THSD7A: variants seen among roughly 807,000 people sequenced by gnomAD.
THSD7A encodes the protein thrombospondin type 1 domain containing 7A, also known as thrombospondin type-1 domain-containing protein 7A.
THSD7A carries 96 observed loss-of-function variants against 231.3 expected under a neutral mutation model. That is an observed-to-expected ratio of 0.41 (90% CI 0.35 to 0.49). The LOEUF is 0.49. Among genes scored for constraint, THSD7A ranks in the 20% least tolerant of loss-of-function variants. The probability of loss-of-function intolerance (pLI) is 0.05; values close to 1 mark genes in which losing one functional copy is unlikely to be tolerated. For synonymous variants in THSD7A, 940 were observed against 743.3 expected (o/e 1.26, Z -4.30); for missense variants, 2,290 against 2,070.2 (o/e 1.11, Z -2.06).
chr7:11,461,060 T>C (rs901174070), intron 10 of THSD7A, among the ~76,000 whole-genome samples: 5 of 152,186 alleles, frequency 3.3e-5, no homozygotes, highest in African/African-American at 1.2e-4. Flanking sequence ...ATGCACCAGA[T>C]GGCCCCAGAA....
rs1781913999 is a variant in THSD7A, at chr7:11,637,502, G to C, written c.191-541C>G. On this transcript the variant is annotated intron_variant, in intron 1 of 27. Coordinates refer to ENST00000423059, the MANE Select transcript of THSD7A (RefSeq NM_015204.3). The surrounding 1 kb of genome is among the most constrained non-coding windows in gnomAD (Gnocchi z 4.2). ...GTTGTATATCATGTGTGCCACTAGA[G>C]CTTAAAGTGTTCACTCTCTGGTTAT... Among the ~76,000 whole-genome samples the C allele has an allele frequency of 6.6e-6, 1 of 152,128 alleles. No individual in the cohort carries two copies. The highest frequency in any genetic ancestry group is 2.4e-5 in the African/African-American group (1 of 41,414).
At position 11,583,320 on chromosome 7, in the gene THSD7A, AG is replaced by A. The variant is rs545536103; in HGVS notation, c.1453+7139del. Among the ~76,000 whole-genome samples, 14 of 152,192 alleles carry A rather than the reference AG, an allele frequency of 9.2e-5. No individual in the cohort carries two copies. The South Asian group carries it at 2.9e-3, about 32-fold the overall frequency. On this transcript the variant is annotated intron_variant, in intron 4 of 27. Coordinates refer to ENST00000423059, the MANE Select transcript of THSD7A (RefSeq NM_015204.3). ...GAGACAGGGTCTTTCTCTGCCACCG[AG>A]GCTGGAGTGCAGTGGCACAATCTTG...
At chr7:11,441,875 TA>T (rs1332508054) in intron 13 of THSD7A, among the ~76,000 whole-genome samples, 1 of 151,884 alleles carries the variant, frequency 6.6e-6, no homozygotes, top group East Asian at 1.9e-4. Flanking sequence ...GAGAAATACC[TA>T]ATGTAGACAA....
At chr7:11,552,137 A>C (rs756213255) in intron 4 of THSD7A, among the ~76,000 whole-genome samples, 2 of 152,076 alleles carry the variant, frequency 1.3e-5, no homozygotes, top group Non-Finnish European at 2.9e-5. Flanking sequence ...AGTAGGGAAA[A>C]ACAGACATCA....
intron 9 of THSD7A, among the ~76,000 whole-genome samples, chr7:11,467,408 G>C (rs115298730): frequency 1.3e-5 from 2 of 152,094 alleles, no homozygotes; most frequent in Non-Finnish European, 2.9e-5. Flanking sequence ...GCAATTAAAA[G>C]CTTCCTTGAT....
At chr7:11,502,769 A>G (rs968377232) in intron 6 of THSD7A, among the ~76,000 whole-genome samples, 1 of 152,052 alleles carries the variant, frequency 6.6e-6, no homozygotes, top group African/African-American at 2.4e-5. Flanking sequence ...AGATCTCTAA[A>G]ATAATTACAA....
At chr7:11,737,090 A>T (rs1002472516) in intron 1 of THSD7A, among the ~76,000 whole-genome samples, 4 of 152,066 alleles carry the variant, frequency 2.6e-5, no homozygotes, top group African/African-American at 7.2e-5. Context: ...CTGTGAGTCA[A>T]TTAAACTCCT....
chr7:11,516,898 C>A (rs951521974), intron 6 of THSD7A, among the ~76,000 whole-genome samples: 3 of 152,052 alleles, frequency 2.0e-5, no homozygotes, highest in Non-Finnish European at 2.9e-5. Context: ...ATATTGCCAT[C>A]GCCTACCAGA....
intron 1 of THSD7A, among the ~76,000 whole-genome samples, chr7:11,704,919 A>G (rs1780716130): frequency 1.3e-5 from 2 of 151,120 alleles, no homozygotes; most frequent in Non-Finnish European, 3.0e-5. Flanking sequence ...TAGGTCTCCA[A>G]AAATAAGTGT....
chr7:11,768,285 C>T (rs1042254565), intron 1 of THSD7A, among the ~76,000 whole-genome samples: 4 of 152,208 alleles, frequency 2.6e-5, no homozygotes, highest in South Asian at 2.1e-4. Context: ...TATTGGCAAA[C>T]GGAATCATAT....
intron 11 of THSD7A, among the ~76,000 whole-genome samples, chr7:11,450,151 A>C (rs746593134): frequency 6.6e-6 from 1 of 152,006 alleles, no homozygotes; most frequent in Non-Finnish European, 1.5e-5. Flanking sequence ...TGCTCCAACC[A>C]TTATCCTGTT....
intron 4 of THSD7A, among the ~76,000 whole-genome samples, chr7:11,582,612 G>C (rs1455021307): frequency 6.6e-6 from 1 of 152,044 alleles, no homozygotes; most frequent in Non-Finnish European, 1.5e-5. Flanking sequence ...GTTTATTGAA[G>C]GCAATCCCTT....
At chr7:11,550,056 CA>C (rs1245563367) in intron 4 of THSD7A, among the ~76,000 whole-genome samples, 1 of 152,072 alleles carries the variant, frequency 6.6e-6, no homozygotes, top group Non-Finnish European at 1.5e-5. Flanking sequence ...TATCTCTCTT[CA>C]CAGATGATAT....
intron 1 of THSD7A, among the ~76,000 whole-genome samples, chr7:11,729,305 A>C (rs2128156517): frequency 6.6e-6 from 1 of 151,934 alleles, no homozygotes; most frequent in South Asian, 2.1e-4. Context: ...CGTGTATGAC[A>C]CTTAACAAAA....
chr7:11,441,059 T>C (rs1583746880), intron 13 of THSD7A, among the ~76,000 whole-genome samples: 1 of 152,064 alleles, frequency 6.6e-6, no homozygotes, highest in African/African-American at 2.4e-5. Context: ...CAGTAGGTTG[T>C]AACTCTTTAT....
At chr7:11,570,685 A>T (rs368084124) in intron 4 of THSD7A, among the ~76,000 whole-genome samples, 1 of 152,208 alleles carries the variant, frequency 6.6e-6, no homozygotes, top group Admixed American at 6.5e-5. Context: ...TACATAAAGA[A>T]CTACCTGTTT....
At chr7:11,749,352 C>T (rs990298469) in intron 1 of THSD7A, among the ~76,000 whole-genome samples, 2 of 151,902 alleles carry the variant, frequency 1.3e-5, no homozygotes, top group Non-Finnish European at 2.9e-5. Context: ...CACATATCTC[C>T]CCCTTAATTC....
At chr7:11,757,961 CACTT>C in intron 1 of THSD7A, among the ~76,000 whole-genome samples, 1 of 148,742 alleles carries the variant, frequency 6.7e-6, no homozygotes, top group Admixed American at 6.7e-5. Flanking sequence ...TTTTATTGAC[CACTT>C]ACTGTTTTTG....
At chr7:11,784,934 TTAGA>T (rs2128175912) in intron 1 of THSD7A, among the ~76,000 whole-genome samples, 1 of 152,258 alleles carries the variant, frequency 6.6e-6, no homozygotes, top group African/African-American at 2.4e-5. Context: ...ATTTATCACC[TTAGA>T]TAGGTAGTAA....
Sources: gnomAD v4.1 joint callset for allele counts (sites outside exome capture counted in the v4.1 genomes callset) on GRCh38, gnomAD v4.1.1 for gene constraint, Gnocchi (gnomAD v3.1) non-coding constraint, MANE v1.5 for transcripts, NCBI Gene and HGNC (gene_info 2026-07-23, HGNC 2026-07-21) for gene names.